Variants in BRAF observed in about 807,000 individuals in gnomAD.
BRAF encodes B-Raf proto-oncogene, serine/threonine kinase.
In BRAF, 16 loss-of-function variants were observed where a neutral mutation model predicts 104.6. That is an observed-to-expected ratio of 0.15 (90% CI 0.10 to 0.23). BRAF has a LOEUF of 0.23. BRAF is among the 10% of genes least tolerant of loss of function. The pLI is 1.00. For synonymous variants in BRAF, 310 were observed against 341.6 expected, an observed-to-expected ratio of 0.91 and a Z score of 1.02; for missense variants, 541 against 937.3, an observed-to-expected ratio of 0.58 and a Z score of 5.52.
chr7:140,770,247 C>T (rs1218316611), intron 14 of BRAF, among the ~76,000 whole-genome samples: 1 of 152,078 alleles, frequency 6.6e-6, no homozygotes, highest in Non-Finnish European at 1.5e-5. Context: ...TTATCAATCA[C>T]TAATACATGT....
At position 140,724,433 on chromosome 7, in the gene BRAF, G is replaced by GTTC. The variant is rs748665740; in HGVS notation, c.*2058_*2060dup. The GTTC allele has an allele frequency of 1.9e-6, 2 of 1,055,380 alleles. No individual in the cohort carries two copies. Among genetic ancestry groups the GTTC allele is most frequent in the Non-Finnish European group, 2.3e-6 (2 of 873,122 alleles). 65.4% of individuals were successfully genotyped at this position (1,055,380 alleles called of 1,614,324 possible). A position where few individuals can be genotyped will look rare whatever the true frequency, so the allele number is the denominator to read the frequency against. On this transcript the variant is annotated 3_prime_UTR_variant, in exon 20 of 20. Coordinates refer to ENST00000644969, the MANE Select transcript of BRAF (RefSeq NM_001374258.1). ...GAGGCAGTATTATTGCACAGAAGAT[G>GTTC]TTCTTCAAATCAGCGTGAATTATTT...
chr7:140,837,579 AT>A (rs1807479712), intron 2 of BRAF, among the ~76,000 whole-genome samples: 1 of 152,084 alleles, frequency 6.6e-6, no homozygotes, highest in Non-Finnish European at 1.5e-5. Flanking sequence ...CAATTGTTCT[AT>A]TTTTTCCTGT....
At chr7:140,918,251 T>C (rs986588084) in intron 1 of BRAF, among the ~76,000 whole-genome samples, 9 of 152,186 alleles carry the variant, frequency 5.9e-5, no homozygotes, top group Non-Finnish European at 1.0e-4. Context: ...AGTGACCAAT[T>C]TCATGGAAGA....
intron 19 of BRAF, chr7:140,731,408 T>C (rs960137778): frequency 3.9e-5 from 6 of 152,200 alleles, no homozygotes; most frequent in Non-Finnish European, 8.8e-5. Context: ...AGATGAAATA[T>C]TTAGTAAAGT....
chr7:140,895,101 T>C (rs1372366302), intron 1 of BRAF, among the ~76,000 whole-genome samples: 1 of 152,102 alleles, frequency 6.6e-6, no homozygotes. Context: ...GCAAACCTAA[T>C]TCAACAATCA....
At chr7:140,851,746 A>G (rs1304575093) in intron 1 of BRAF, among the ~76,000 whole-genome samples, 1 of 152,188 alleles carries the variant, frequency 6.6e-6, no homozygotes, top group South Asian at 2.1e-4. Flanking sequence ...ACCCAGCACA[A>G]TCACACTTCT....
Position 140,924,746 on chromosome 7 carries a change from G to C in BRAF, c.-43C>G. 1.4e-6 allele frequency: 1 copy of C among 727,482 alleles called. No individual in the cohort carries two copies. The highest frequency in any genetic ancestry group is 2.4e-5 in the Admixed American group (1 of 42,078). 45.1% of individuals were successfully genotyped at this position (727,482 alleles called of 1,614,324 possible). A position where few individuals can be genotyped will look rare whatever the true frequency, so the allele number is the denominator to read the frequency against. On this transcript the variant is annotated 5_prime_UTR_variant, in exon 1 of 20. Transcript: ENST00000644969. The surrounding 1 kb of genome is among the most constrained non-coding windows in gnomAD (Gnocchi z 4.2). Reference sequence around the variant, plus strand: ...GGGCCCGAGCGGCCGCTGTCGGGCGGGGAGGGGGAAGGGAGGCGGAGAGCT... The same window carrying C: ...GGGCCCGAGCGGCCGCTGTCGGGCGCGGAGGGGGAAGGGAGGCGGAGAGCT...
At chr7:140,732,954 G>A (rs1383240234) in intron 19 of BRAF, 1 of 152,144 alleles carries the variant, frequency 6.6e-6, no homozygotes, top group Non-Finnish European at 1.5e-5. Context: ...TATATTTAAT[G>A]CCACTGGAGG....
intron 14 of BRAF, among the ~76,000 whole-genome samples, chr7:140,771,080 G>A (rs1799801644): frequency 6.6e-6 from 1 of 152,062 alleles, no homozygotes; most frequent in South Asian, 2.1e-4. Flanking sequence ...TTTCACTGAG[G>A]TACAAATGGA....
intron 18 of BRAF, 92 bp from the exon 18 acceptor site, chr7:140,734,862 A>G (rs1796283808): frequency 5.1e-6 from 7 of 1,376,136 alleles, no homozygotes; most frequent in Non-Finnish European, 5.8e-6. Flanking sequence ...AAGAATGAAA[A>G]TCTGGGTGGT....
chr7:140,737,737 T>C (rs1314251156), intron 18 of BRAF, among the ~76,000 whole-genome samples: 3 of 152,192 alleles, frequency 2.0e-5, no homozygotes, highest in Non-Finnish European at 4.4e-5. Context: ...TTATAAAACA[T>C]ATAGATCTTC....
At chr7:140,862,877 T>C (rs1810567176) in intron 1 of BRAF, among the ~76,000 whole-genome samples, 1 of 152,200 alleles carries the variant, frequency 6.6e-6, no homozygotes, top group South Asian at 2.1e-4. Context: ...TATGCCTCAA[T>C]AAAACTGTTA....
chr7:140,737,891 T>C (rs1796570874), intron 18 of BRAF, among the ~76,000 whole-genome samples: 1 of 152,222 alleles, frequency 6.6e-6, no homozygotes, highest in Non-Finnish European at 1.5e-5. Context: ...AACCATGTAA[T>C]TAATGAAATG....
chr7:140,866,582 G>A lies in BRAF; in HGVS notation c.139-16370C>T, dbSNP rs975345893. Among the ~76,000 whole-genome samples the A allele has an allele frequency of 5.3e-5, 8 of 152,270 alleles. 1 individual carries two copies. The highest frequency in any genetic ancestry group is 1.7e-4 in the African/African-American group (7 of 41,548). On this transcript the variant is annotated intron_variant, in intron 1 of 19. Coordinates refer to ENST00000644969, the MANE Select transcript of BRAF (RefSeq NM_001374258.1). ...TTCTATATTCTGGGTAAGCTTAGAG[G>A]AGACTGATGAAATCACATTCAAGAA...
At chr7:140,834,229 T>C (rs928925819) in intron 3 of BRAF, 1 of 322,308 alleles carries the variant, frequency 3.1e-6, no homozygotes, top group Non-Finnish European at 5.7e-6. Flanking sequence ...ACACTGAACG[T>C]TCAACATCTG....
intron 17 of BRAF, 58 bp from the exon 17 acceptor site, chr7:140,740,004 C>A: frequency 6.5e-7 from 1 of 1,531,790 alleles, no homozygotes; most frequent in East Asian, 2.3e-5. Flanking sequence ...GAAAAATATA[C>A]TTCACACTCA....
intron 1 of BRAF, among the ~76,000 whole-genome samples, chr7:140,900,994 C>G (rs913611703): frequency 1.4e-4 from 21 of 152,290 alleles, no homozygotes; most frequent in African/African-American, 5.1e-4. Flanking sequence ...GGTCATCCTC[C>G]CTCTCTGCTC....
intron 14 of BRAF, among the ~76,000 whole-genome samples, chr7:140,760,421 GAA>G (rs55872126): frequency 0.014 from 1,601 of 111,262 alleles, 25 homozygotes; most frequent in African/African-American, 0.04. Flanking sequence ...TTGAGAGAGA[GAA>G]AAAAAAAAAA....
intron 19 of BRAF, chr7:140,726,586 C>T (rs1795609488): frequency 7.7e-7 from 1 of 1,294,664 alleles, no homozygotes; most frequent in Non-Finnish European, 1.1e-6. Context: ...AGAAAAGCCT[C>T]ATTTGAGCTT....
Sources: gnomAD v4.1 joint callset for allele counts (sites outside exome capture counted in the v4.1 genomes callset) on GRCh38, gnomAD v4.1.1 for gene constraint, Gnocchi (gnomAD v3.1) non-coding constraint, MANE v1.5 for transcripts, NCBI Gene and HGNC (gene_info 2026-07-23, HGNC 2026-07-21) for gene names.